PAX3: variants seen among roughly 807,000 people sequenced by gnomAD.
PAX3 encodes the protein paired box protein Pax-3.
PAX3 carries 14 observed loss-of-function variants against 51.6 expected under a neutral mutation model. The observed-to-expected ratio is 0.27, with a 90% CI of 0.18 to 0.42. The LOEUF is 0.42. PAX3 is among the 10% of genes least tolerant of loss of function. The pLI is 1.00. For missense variants in PAX3, 540 were observed against 642.8 expected (o/e 0.84, Z 1.73); for synonymous variants, 280 against 253.4 (o/e 1.11, Z -1.00).
intron 4 of PAX3, among the ~76,000 whole-genome samples, chr2:222,289,866 G>T (rs560170115): frequency 2.0e-5 from 3 of 152,140 alleles, no homozygotes; most frequent in Non-Finnish European, 2.9e-5. Context: ...GCTGAGTTTT[G>T]CAAGGACTTC....
intron 5 of PAX3, among the ~76,000 whole-genome samples, chr2:222,230,854 CAAAAAAAAAAAA>C (rs5838938): frequency 9.2e-6 from 1 of 108,726 alleles, no homozygotes; most frequent in South Asian, 3.4e-4. Flanking sequence ...GACTCCACCT[CAAAAAAAAAAAA>C]AAAAAAAAAT....
At chr2:222,274,632 A>G (rs1694358188) in intron 4 of PAX3, among the ~76,000 whole-genome samples, 1 of 151,988 alleles carries the variant, frequency 6.6e-6, no homozygotes, top group South Asian at 2.1e-4. Flanking sequence ...GTATTTTCGC[A>G]TTCCCTAAAA....
chr2:222,254,787 C>A (rs1693574399), intron 4 of PAX3, among the ~76,000 whole-genome samples: 1 of 152,068 alleles, frequency 6.6e-6, no homozygotes, highest in African/African-American at 2.4e-5. Context: ...ATTTTCTATT[C>A]TTTTCTTTTT....
chr2:222,271,945 G>T (rs1391627095), intron 4 of PAX3, among the ~76,000 whole-genome samples: 3 of 152,186 alleles, frequency 2.0e-5, no homozygotes, highest in Non-Finnish European at 4.4e-5. Context: ...TTTTATCAAA[G>T]AATTTTCCTA....
chr2:222,265,507 G>T (rs2106150862), intron 4 of PAX3, among the ~76,000 whole-genome samples: 1 of 151,072 alleles, frequency 6.6e-6, no homozygotes, highest in African/African-American at 2.4e-5. Context: ...CAAAAAAATA[G>T]CCGGGCGTGG....
At chr2:222,206,253 T>A (rs1473955923) in intron 7 of PAX3, among the ~76,000 whole-genome samples, 1 of 152,068 alleles carries the variant, frequency 6.6e-6, no homozygotes, top group African/African-American at 2.4e-5. Context: ...TGAACACTGA[T>A]CACACTCATT....
chr2:222,280,135 T>C (rs560363055), intron 4 of PAX3, among the ~76,000 whole-genome samples: 1 of 151,482 alleles, frequency 6.6e-6, no homozygotes, highest in Admixed American at 6.6e-5. Context: ...TGCTTGAACG[T>C]GGGAGGTGGA....
chr2:222,276,068 C>A (rs1694410154), intron 4 of PAX3, among the ~76,000 whole-genome samples: 1 of 152,136 alleles, frequency 6.6e-6, no homozygotes, highest in Non-Finnish European at 1.5e-5. Context: ...GGTCAGTAGC[C>A]AGAAATCCTG....
intron 4 of PAX3, among the ~76,000 whole-genome samples, chr2:222,277,626 T>C (rs1432952614): frequency 6.6e-6 from 1 of 152,086 alleles, no homozygotes; most frequent in African/African-American, 2.4e-5. Context: ...CAAAGCAAAT[T>C]CATAAACTTT....
intron 8 of PAX3, 174 bp from the exon 9 acceptor site, chr2:222,201,616 C>T: frequency 1.6e-6 from 2 of 1,281,192 alleles, no homozygotes; most frequent in Non-Finnish European, 2.2e-6. Flanking sequence ...GGGATTATCC[C>T]CCATATGATC....
intron 5 of PAX3, among the ~76,000 whole-genome samples, chr2:222,226,669 T>A (rs1158981149): frequency 6.6e-6 from 1 of 151,196 alleles, no homozygotes; most frequent in African/African-American, 2.4e-5. Flanking sequence ...GCTATAAGGA[T>A]TCTGCCATAT....
chr2:222,260,565 GTTTTT>G (rs869129158), intron 4 of PAX3, among the ~76,000 whole-genome samples: 1 of 55,850 alleles, frequency 1.8e-5, no homozygotes, highest in African/African-American at 6.1e-5. Context: ...TTTTTTTTTT[GTTTTT>G]TTTTTTTGTT....
chr2:222,244,387 AT>A (rs1380986604), intron 4 of PAX3, among the ~76,000 whole-genome samples: 2 of 152,120 alleles, frequency 1.3e-5, no homozygotes, highest in African/African-American at 4.8e-5. Context: ...CTCTGAATCC[AT>A]TTTCTCATCA....
intron 4 of PAX3, among the ~76,000 whole-genome samples, chr2:222,291,174 G>C (rs1256365852): frequency 1.3e-5 from 2 of 152,178 alleles, no homozygotes; most frequent in African/African-American, 4.8e-5. Context: ...CGCCCATTGA[G>C]CGGCCGCTGC....
chr2:222,201,540 T>C (rs1691294192), intron 8 of PAX3, 98 bp from the exon 9 acceptor site: 3 of 1,498,256 alleles, frequency 2.0e-6, no homozygotes, highest in African/African-American at 2.8e-5. Flanking sequence ...TTTAATACCG[T>C]GCTATCAAAG....
intron 7 of PAX3, among the ~76,000 whole-genome samples, chr2:222,211,606 T>C (rs1691738546): frequency 6.6e-6 from 1 of 152,144 alleles, no homozygotes; most frequent in Non-Finnish European, 1.5e-5. Flanking sequence ...AAAATTCACC[T>C]GTGGAAAAAA....
intron 7 of PAX3, among the ~76,000 whole-genome samples, chr2:222,219,111 A>G (rs1406290135): frequency 3.3e-5 from 5 of 152,180 alleles, no homozygotes; most frequent in East Asian, 1.9e-4. Flanking sequence ...TTTTCTGCCT[A>G]TTAGAATGCC....
At chr2:222,298,104 G>A (rs1407443066) in intron 1 of PAX3, 3 of 135,804 alleles carry the variant, frequency 2.2e-5, no homozygotes, top group Non-Finnish European at 4.6e-5. Context: ...AACTTTGCAG[G>A]GCAAAAAAAA....
chr2:222,219,348 G>A (rs1425581973), intron 7 of PAX3, among the ~76,000 whole-genome samples: 1 of 152,108 alleles, frequency 6.6e-6, no homozygotes, highest in Non-Finnish European at 1.5e-5. Context: ...TTAGTGGGCA[G>A]CTATCCTTGC....
Sources: gnomAD v4.1 joint callset for allele counts (sites outside exome capture counted in the v4.1 genomes callset) on GRCh38, gnomAD v4.1.1 for gene constraint, MANE v1.5 for transcripts, NCBI Gene and HGNC (gene_info 2026-07-23, HGNC 2026-07-21) for gene names.